The following WDR7 variants were observed in gnomAD, a reference collection of about 807,000 sequenced individuals.
WDR7 encodes the protein WD repeat-containing protein 7.
A neutral mutation model predicts 169.4 loss-of-function variants in WDR7; 46 were observed. That is an observed-to-expected ratio of 0.27 (90% CI 0.21 to 0.35). WDR7 has a LOEUF of 0.35. WDR7 is among the 10% of genes least tolerant of loss of function. WDR7 has a pLI of 1.00. For synonymous variants in WDR7, 612 were observed against 666.8 expected (o/e 0.92, Z 1.27); for missense variants, 1,534 against 1,859.3 (o/e 0.83, Z 3.22).
At chr18:56,921,700 T>C (rs1428856957) in intron 21 of WDR7, among the ~76,000 whole-genome samples, 1 of 152,170 alleles carries the variant, frequency 6.6e-6, no homozygotes, top group Non-Finnish European at 1.5e-5. Context: ...TTTTCTGTCA[T>C]TTCATCCAAG....
In WDR7 at chr18:56,747,413, A is replaced by T. The variant is rs549515665; in HGVS notation, c.1990-9170A>T. Reference sequence around the variant, plus strand: ...CAACATACATAGTTTAATACTCTTGATTGATTGATTCATGCATTCATTCAG... The same window carrying T: ...CAACATACATAGTTTAATACTCTTGTTTGATTGATTCATGCATTCATTCAG... On this transcript the variant is annotated intron_variant, in intron 14 of 27. Transcript: ENST00000254442. Among the ~76,000 whole-genome samples the T allele has an allele frequency of 3.9e-5, 6 of 152,310 alleles. No individual in the cohort carries two copies. In the East Asian group the frequency reaches 1.2e-3, roughly 29 times the overall value.
At chr18:56,815,924 A>T in intron 19 of WDR7, 107 bp from the exon 20 acceptor site, 1 of 835,224 alleles carries the variant, frequency 1.2e-6, no homozygotes, top group Non-Finnish European at 1.8e-6. Context: ...TATATTTTTT[A>T]ATGTATTGTG....
intron 26 of WDR7, among the ~76,000 whole-genome samples, chr18:56,970,184 T>A (rs2047463241): frequency 6.6e-6 from 1 of 152,032 alleles, no homozygotes; most frequent in Non-Finnish European, 1.5e-5. Context: ...GATACACTAC[T>A]TCATACTGGC....
chr18:56,995,074 C>G (rs1040008619), intron 26 of WDR7, among the ~76,000 whole-genome samples: 4 of 152,108 alleles, frequency 2.6e-5, no homozygotes, highest in African/African-American at 9.7e-5. Flanking sequence ...AAAAAACTTC[C>G]TTTTGAAACT....
At chr18:56,884,687 C>G (rs1209280438) in intron 21 of WDR7, among the ~76,000 whole-genome samples, 1 of 152,208 alleles carries the variant, frequency 6.6e-6, no homozygotes, top group African/African-American at 2.4e-5. Context: ...CCTGCCCCAA[C>G]CTGATGGTCT....
At chr18:56,982,182 G>A (rs1483730986) in intron 26 of WDR7, among the ~76,000 whole-genome samples, 4 of 152,128 alleles carry the variant, frequency 2.6e-5, no homozygotes, top group Non-Finnish European at 5.9e-5. Flanking sequence ...CCAAAAGCCC[G>A]TATCTGACTT....
At chr18:56,785,660 G>C (rs1057389300) in intron 19 of WDR7, among the ~76,000 whole-genome samples, 1 of 152,092 alleles carries the variant, frequency 6.6e-6, no homozygotes, top group South Asian at 2.1e-4. Context: ...TTCACAGTCC[G>C]TAAGTGATTG....
intron 26 of WDR7, among the ~76,000 whole-genome samples, chr18:57,012,252 G>A (rs2048146283): frequency 6.6e-6 from 1 of 152,288 alleles, no homozygotes; most frequent in African/African-American, 2.4e-5. Flanking sequence ...CCCACACGAA[G>A]GCAGGACTAC....
intron 21 of WDR7, among the ~76,000 whole-genome samples, chr18:56,907,556 T>C (rs1367327079): frequency 6.6e-6 from 1 of 152,212 alleles, no homozygotes; most frequent in Non-Finnish European, 1.5e-5. Context: ...TTTTGTAAAA[T>C]AGGCATGAAG....
At chr18:56,911,726 A>AC (rs1316901152) in intron 21 of WDR7, among the ~76,000 whole-genome samples, 2 of 152,224 alleles carry the variant, frequency 1.3e-5, no homozygotes, top group Non-Finnish European at 2.9e-5. Context: ...TTTAATCTCC[A>AC]CTGGACTACC....
rs1202208882 is a variant in WDR7, at chr18:56,664,515, G to GT, written c.-19-7971dup. Among the ~76,000 whole-genome samples, 131 of 112,278 alleles carry GT rather than the reference G, an allele frequency of 1.2e-3. 1 individual carries two copies. Among genetic ancestry groups the GT allele is most frequent in the East Asian group, 8.7e-3 (32 of 3,678 alleles). 73.7% of individuals were successfully genotyped at this position (112,278 alleles called of 152,430 possible). A position where few individuals can be genotyped will look rare whatever the true frequency, so the allele number is the denominator to read the frequency against. ...AGGAAGATTTTTGCAGAGTTCAGAA[G>GT]TTTTTTTTTTTCTCCTTTTTTTTTT... On this transcript the variant is annotated intron_variant, in intron 1 of 27. Transcript: ENST00000254442.
chr18:56,775,663 TGGAGTTA>T (rs1198547682), intron 16 of WDR7, among the ~76,000 whole-genome samples: 2 of 152,192 alleles, frequency 1.3e-5, no homozygotes, highest in African/African-American at 4.8e-5. Flanking sequence ...TTAGGGTTTA[TGGAGTTA>T]GAGTTGCTTT....
At chr18:56,814,006 G>A (rs975330690) in intron 19 of WDR7, among the ~76,000 whole-genome samples, 4 of 152,146 alleles carry the variant, frequency 2.6e-5, no homozygotes, top group African/African-American at 9.7e-5. Flanking sequence ...ATGCTGTGAT[G>A]TTCTGTGACA....
intron 7 of WDR7, 119 bp downstream of exon 7, chr18:56,687,093 C>A: frequency 1.0e-6 from 1 of 980,234 alleles, no homozygotes; most frequent in Non-Finnish European, 1.4e-6. Context: ...ATTTAGAATT[C>A]ATGTCTGCTT....
chr18:56,966,251 G>A (rs941106288), intron 26 of WDR7, among the ~76,000 whole-genome samples: 3 of 152,036 alleles, frequency 2.0e-5, no homozygotes, highest in Non-Finnish European at 2.9e-5. Context: ...TCACCTATAC[G>A]TGGATTTTTT....
chr18:56,927,746 C>T (rs1444833142), intron 22 of WDR7, among the ~76,000 whole-genome samples: 1 of 152,172 alleles, frequency 6.6e-6, no homozygotes, highest in Non-Finnish European at 1.5e-5. Context: ...CAAATTTTAA[C>T]TATTAATTAA....
At chr18:56,927,870 C>A (rs1484201809) in intron 22 of WDR7, among the ~76,000 whole-genome samples, 1 of 152,044 alleles carries the variant, frequency 6.6e-6, no homozygotes, top group Non-Finnish European at 1.5e-5. Flanking sequence ...ACAGGAAAGA[C>A]AAGATCTGCC....
intron 13 of WDR7, among the ~76,000 whole-genome samples, chr18:56,730,954 C>G (rs1419711439): frequency 6.6e-6 from 1 of 151,978 alleles, no homozygotes; most frequent in Non-Finnish European, 1.5e-5. Flanking sequence ...AGAGAAGCTT[C>G]AGCAATTATT....
At chr18:57,003,285 A>G (rs1209826000) in intron 26 of WDR7, among the ~76,000 whole-genome samples, 1 of 152,264 alleles carries the variant, frequency 6.6e-6, no homozygotes, top group East Asian at 1.9e-4. Flanking sequence ...CAAAGCTATT[A>G]TCAATTTAAG....
Sources: allele counts gnomAD v4.1 joint callset (sites outside exome capture counted in the v4.1 genomes callset), GRCh38; gene constraint gnomAD v4.1.1; transcripts MANE v1.5; gene names NCBI Gene and HGNC (gene_info 2026-07-23, HGNC 2026-07-21).